Variants in NFATC2 observed in about 807,000 individuals in gnomAD.
The protein encoded by NFATC2 is nuclear factor of activated T-cells, cytoplasmic 2.
In NFATC2, 22 loss-of-function variants were observed where a neutral mutation model predicts 87.3. The ratio of observed to expected loss-of-function variants is 0.25; its 90% CI spans 0.18 to 0.36. The LOEUF (loss-of-function observed/expected upper bound fraction) is 0.36, where lower values mean the gene tolerates loss of function less well. Ranked by LOEUF, NFATC2 falls within the 10% of genes least tolerant of loss-of-function variation. NFATC2 has a pLI of 1.00. For synonymous variants in NFATC2, 565 were observed against 542.2 expected, an observed-to-expected ratio of 1.04 and a Z score of -0.58; for missense variants, 1,149 against 1,259.1, an observed-to-expected ratio of 0.91 and a Z score of 1.32.
chr20:51,530,513 G>C (rs557339715), intron 1 of NFATC2, among the ~76,000 whole-genome samples: 1 of 152,222 alleles, frequency 6.6e-6, no homozygotes, highest in African/African-American at 2.4e-5. Flanking sequence ...AAATAGCGCT[G>C]AAAAATAGTT....
At chr20:51,494,016 T>C (rs1358591583) in intron 3 of NFATC2, among the ~76,000 whole-genome samples, 1 of 152,092 alleles carries the variant, frequency 6.6e-6, no homozygotes, top group African/African-American at 2.4e-5. Context: ...GACGATATAA[T>C]GGGTACAGTG....
At position 51,435,117 on chromosome 20, in the gene NFATC2, C is replaced by T. The variant is rs1983366239; in HGVS notation, c.2032+71G>A. The T allele has an allele frequency of 3.8e-6, 6 of 1,580,120 alleles. No individual in the cohort carries two copies. The African/African-American group carries it at 8.1e-5, about 21-fold the overall frequency. ...CCAAAGTTACCCGGCTAGGAGCAGA[C>T]TTCAGGAGTCCTGAGCCCTGTGCCT... On this transcript the variant is annotated intron_variant, in intron 8 of 10. Coordinates refer to ENST00000371564, the MANE Select transcript of NFATC2 (RefSeq NM_012340.5).
At chr20:51,543,550 G>A (rs969946442), upstream of NFATC2, among the ~76,000 whole-genome samples, 3 of 152,208 alleles carry the variant, frequency 2.0e-5, no homozygotes, top group African/African-American at 4.8e-5. Flanking sequence ...GCCAGAGCTC[G>A]AAGGGGCTGG....
intron 5 of NFATC2, among the ~76,000 whole-genome samples, chr20:51,460,067 T>G (rs746633933): frequency 6.6e-6 from 1 of 152,222 alleles, no homozygotes; most frequent in South Asian, 2.1e-4. Flanking sequence ...AAACAGCCCA[T>G]GCTTAGCACA....
chr20:51,396,711 TACTG>T (rs1408876019), intron 10 of NFATC2, among the ~76,000 whole-genome samples: 4 of 152,176 alleles, frequency 2.6e-5, no homozygotes, highest in African/African-American at 4.8e-5. Flanking sequence ...CCCCAGTCAC[TACTG>T]ACTATTTCCT....
intron 9 of NFATC2, among the ~76,000 whole-genome samples, chr20:51,424,820 T>C (rs952656325): frequency 1.3e-5 from 2 of 151,430 alleles, no homozygotes; most frequent in African/African-American, 4.9e-5. Flanking sequence ...TAAGAATACA[T>C]GTGTATTTGC....
intron 1 of NFATC2, among the ~76,000 whole-genome samples, chr20:51,540,381 A>G (rs1049384903): frequency 6.6e-6 from 1 of 152,266 alleles, no homozygotes; most frequent in Non-Finnish European, 1.5e-5. Context: ...CCTCCCGAAA[A>G]CCTAGAGCCC....
chr20:51,443,364 A>C (rs1984628452), intron 6 of NFATC2, among the ~76,000 whole-genome samples: 1 of 152,166 alleles, frequency 6.6e-6, no homozygotes, highest in Non-Finnish European at 1.5e-5. Flanking sequence ...TTGCTCAATT[A>C]ATACTGGCTG....
chr20:51,431,004 G>A (rs1221556782), intron 9 of NFATC2, among the ~76,000 whole-genome samples: 1 of 152,060 alleles, frequency 6.6e-6, no homozygotes, highest in African/African-American at 2.4e-5. Context: ...TCGCTTAACT[G>A]TACATTTTTA....
intron 3 of NFATC2, among the ~76,000 whole-genome samples, chr20:51,484,296 G>A (rs2146552188): frequency 6.6e-6 from 1 of 152,212 alleles, no homozygotes; most frequent in South Asian, 2.1e-4. Context: ...CATCAGAGAA[G>A]CCTTCCCAGA....
intron 9 of NFATC2, among the ~76,000 whole-genome samples, chr20:51,407,034 T>C (rs6021185): frequency 0.83 from 126,666 of 152,200 alleles, 53,260 homozygotes; most frequent in South Asian, 0.91. Context: ...CAGTCTTCCT[T>C]AGTATACGCT....
At chr20:51,457,800 A>G (rs1212740902) in intron 5 of NFATC2, among the ~76,000 whole-genome samples, 1 of 151,776 alleles carries the variant, frequency 6.6e-6, no homozygotes, top group Non-Finnish European at 1.5e-5. Context: ...CTTGCGCACT[A>G]TCAAGTTTGA....
intron 1 of NFATC2, among the ~76,000 whole-genome samples, chr20:51,538,649 G>A (rs1228410607): frequency 6.6e-6 from 1 of 152,186 alleles, no homozygotes; most frequent in African/African-American, 2.4e-5. Context: ...CTCAATAGCT[G>A]AATGAGTAAA....
chr20:51,462,395 G>A (rs228845), intron 5 of NFATC2, among the ~76,000 whole-genome samples: 58,195 of 151,938 alleles, frequency 0.38, 13,726 homozygotes, highest in South Asian at 0.5. Flanking sequence ...GCAGTGAGTC[G>A]AGATCGCGCC....
At chr20:51,530,785 C>T (rs2076620535) in intron 1 of NFATC2, among the ~76,000 whole-genome samples, 1 of 152,104 alleles carries the variant, frequency 6.6e-6, no homozygotes, top group African/African-American at 2.4e-5. Context: ...ATGACTTGAC[C>T]TGAGCCACCC....
intron 3 of NFATC2, among the ~76,000 whole-genome samples, chr20:51,513,948 C>G (rs2076311553): frequency 6.6e-6 from 1 of 152,236 alleles, no homozygotes; most frequent in African/African-American, 2.4e-5. Context: ...TACTGTGCTG[C>G]AAATAGAGCT....
At chr20:51,532,508 A>T (rs972876722) in intron 1 of NFATC2, among the ~76,000 whole-genome samples, 1 of 152,116 alleles carries the variant, frequency 6.6e-6, no homozygotes, top group African/African-American at 2.4e-5. Context: ...TTCTTCGGGA[A>T]TGTTCACAGT....
Position 51,460,920 on chromosome 20 carries a change from A to G in NFATC2, c.1709-6232T>C, listed in dbSNP as rs73910856. Among the ~76,000 whole-genome samples, 1,056 of 151,926 alleles carry G rather than the reference A, an allele frequency of 7.0e-3. 17 individuals are homozygous for G. The highest frequency in any genetic ancestry group is 0.024 in the African/African-American group (1,010 of 41,440). On this transcript the variant is annotated intron_variant, in intron 5 of 10. Transcript: ENST00000371564. Reference sequence around the variant, plus strand: ...CACATCCCTCACCCTCTGTGCCCCAATCTCTCGGGCAGAGGCCAGACATTT... The same window carrying G: ...CACATCCCTCACCCTCTGTGCCCCAGTCTCTCGGGCAGAGGCCAGACATTT...
At chr20:51,457,902 T>C (rs78203150) in intron 5 of NFATC2, among the ~76,000 whole-genome samples, 1 of 146,278 alleles carries the variant, frequency 6.8e-6, no homozygotes, top group East Asian at 2.0e-4. Flanking sequence ...TTTTTTTTTT[T>C]TGAGACATGG....
Sources: allele counts gnomAD v4.1 joint callset (sites outside exome capture counted in the v4.1 genomes callset), GRCh38; gene constraint gnomAD v4.1.1; transcripts MANE v1.5; gene names NCBI Gene and HGNC (gene_info 2026-07-23, HGNC 2026-07-21).